DYRK1A: variants seen among roughly 807,000 people sequenced by gnomAD.
DYRK1A encodes the protein dual specificity tyrosine phosphorylation regulated kinase 1A, also known as dual specificity tyrosine-phosphorylation-regulated kinase 1A.
A neutral mutation model predicts 79.7 loss-of-function variants in DYRK1A; 9 were observed. The observed-to-expected ratio is 0.11, with a 90% CI of 0.07 to 0.20. The LOEUF (loss-of-function observed/expected upper bound fraction) is 0.20, where lower values mean the gene tolerates loss of function less well. Ranked by LOEUF, DYRK1A falls within the 10% of genes least tolerant of loss-of-function variation. The probability of loss-of-function intolerance (pLI) is 1.00; values close to 1 mark genes in which losing one functional copy is unlikely to be tolerated. For missense variants in DYRK1A, 622 were observed against 956.0 expected, an observed-to-expected ratio of 0.65 and a Z score of 4.61; for synonymous variants, 349 against 329.7, an observed-to-expected ratio of 1.06 and a Z score of -0.63.
intron 1 of DYRK1A, among the ~76,000 whole-genome samples, chr21:37,414,706 C>T (rs2050304547): frequency 6.6e-6 from 1 of 152,150 alleles, no homozygotes; most frequent in Non-Finnish European, 1.5e-5. Flanking sequence ...TTTCTAGTGT[C>T]TACTTGATAG....
chr21:37,426,278 T>G (rs1455827425), intron 2 of DYRK1A, among the ~76,000 whole-genome samples: 2 of 152,166 alleles, frequency 1.3e-5, no homozygotes, highest in East Asian at 3.9e-4. Context: ...CCCCAAAGTT[T>G]TTTATTTTAC....
chr21:37,455,351 T>C (rs1172621738), intron 2 of DYRK1A, among the ~76,000 whole-genome samples: 1 of 152,192 alleles, frequency 6.6e-6, no homozygotes, highest in Non-Finnish European at 1.5e-5. Context: ...CTATTTTCAA[T>C]AGAATTTTAA....
chr21:37,434,278 T>G (rs913021268), intron 2 of DYRK1A, among the ~76,000 whole-genome samples: 2 of 152,166 alleles, frequency 1.3e-5, no homozygotes, highest in East Asian at 1.9e-4. Flanking sequence ...AATCATGAAA[T>G]TTTTCATGAT....
chr21:37,506,404 G>A, intron 11 of DYRK1A, 181 bp downstream of exon 11: 1 of 1,509,628 alleles, frequency 6.6e-7, no homozygotes. Flanking sequence ...CCTCCTCCTT[G>A]TCTAGAAGTG....
In DYRK1A at chr21:37,490,535, T is replaced by C. The variant is rs950014359; in HGVS notation, c.924+74T>C. 4.5e-6 allele frequency: 6 copies of C among 1,319,540 alleles called. No homozygotes were observed. The African/African-American group carries it at 7.6e-5, about 17-fold the overall frequency. 81.7% of individuals were successfully genotyped at this position (1,319,540 alleles called of 1,614,324 possible). ...TAGGTAGGACAGTGTAGGTATTAGG[T>C]TGGCGCAAAAGTAATTGCGGTTTTC... On this transcript the variant is annotated intron_variant, in intron 7 of 11. Transcript: ENST00000647188.
intron 9 of DYRK1A, among the ~76,000 whole-genome samples, chr21:37,500,236 T>G (rs867558494): frequency 6.6e-6 from 1 of 152,232 alleles, no homozygotes; most frequent in Non-Finnish European, 1.5e-5. Context: ...TCTGCACGTA[T>G]AGAGATCATC....
chr21:37,506,807 G>A (rs2053611581), intron 11 of DYRK1A, among the ~76,000 whole-genome samples: 1 of 152,204 alleles, frequency 6.6e-6, no homozygotes. Context: ...GGTTCATACC[G>A]AGTTTTGCGT....
At chr21:37,445,555 G>A (rs1247795556) in intron 2 of DYRK1A, among the ~76,000 whole-genome samples, 1 of 152,164 alleles carries the variant, frequency 6.6e-6, no homozygotes, top group African/African-American at 2.4e-5. Flanking sequence ...AGTTTTTGCT[G>A]GGAAGATCAG....
intron 9 of DYRK1A, among the ~76,000 whole-genome samples, chr21:37,499,543 C>T (rs1342833296): frequency 6.6e-6 from 1 of 152,108 alleles, no homozygotes; most frequent in African/African-American, 2.4e-5. Context: ...TTAAGTCTTC[C>T]ACTCTGTAAA....
rs565032737 is a variant in DYRK1A, at chr21:37,433,659, C to T, written c.10+13275C>T. Among the ~76,000 whole-genome samples, 37 of 152,198 alleles carry T rather than the reference C, an allele frequency of 2.4e-4. 2 individuals carry two copies. In the South Asian group the frequency reaches 7.1e-3, roughly 29 times the overall value. On this transcript the variant is annotated intron_variant, in intron 2 of 11. Coordinates refer to ENST00000647188, the MANE Select transcript of DYRK1A (RefSeq NM_001347721.2). ...GGGAATGGATTAAATACTTTGGTTT[C>T]GACAGTGATTTTCAAACCTGTCTTA...
intron 6 of DYRK1A, 25 bp from the exon 7 acceptor site, chr21:37,490,150 A>G: frequency 6.3e-7 from 1 of 1,598,858 alleles, no homozygotes; most frequent in Non-Finnish European, 8.5e-7. Flanking sequence ...TATATAATTT[A>G]AAATGAAACT....
At chr21:37,497,950 G>C (rs1208678433) in intron 9 of DYRK1A, among the ~76,000 whole-genome samples, 2 of 151,900 alleles carry the variant, frequency 1.3e-5, no homozygotes, top group Non-Finnish European at 2.9e-5. Flanking sequence ...TAATTATTTT[G>C]CTTTTAAGAG....
upstream of DYRK1A, among the ~76,000 whole-genome samples, chr21:37,366,492 AC>A (rs2049307354): frequency 7.3e-6 from 1 of 137,248 alleles, no homozygotes; most frequent in Non-Finnish European, 1.6e-5. Context: ...CCCAGCCCCT[AC>A]CCTCCCTCGG....
chr21:37,406,807 A>G, intron 1 of DYRK1A, among the ~76,000 whole-genome samples: 1 of 147,282 alleles, frequency 6.8e-6, no homozygotes. Flanking sequence ...ATATAATTAT[A>G]TATATCTATT....
At chr21:37,429,650 A>G (rs1204961375) in intron 2 of DYRK1A, among the ~76,000 whole-genome samples, 1 of 152,210 alleles carries the variant, frequency 6.6e-6, no homozygotes, top group Non-Finnish European at 1.5e-5. Context: ...CTCCTCCAAC[A>G]TTGAGAATTA....
chr21:37,403,661 ATATGTGTG>A (rs1430186687), intron 1 of DYRK1A, among the ~76,000 whole-genome samples: 2,745 of 113,368 alleles, frequency 0.024, 75 homozygotes, highest in African/African-American at 0.07. Flanking sequence ...ATATATATAT[ATATGTGTG>A]TGTGTGTGTG....
intron 2 of DYRK1A, among the ~76,000 whole-genome samples, chr21:37,452,091 T>TA (rs929036146): frequency 5.3e-5 from 8 of 151,504 alleles, no homozygotes; most frequent in Non-Finnish European, 1.0e-4. Context: ...TGTAAACACT[T>TA]AACCTGGGTA....
At chr21:37,502,739 T>C (rs1304514745) in intron 9 of DYRK1A, 1 of 152,236 alleles carries the variant, frequency 6.6e-6, no homozygotes, top group Non-Finnish European at 1.5e-5. Flanking sequence ...CCATCTGGTA[T>C]TATTTCTTCA....
chr21:37,484,133 A>T (rs1462784410), intron 5 of DYRK1A, among the ~76,000 whole-genome samples: 2 of 152,100 alleles, frequency 1.3e-5, no homozygotes, highest in East Asian at 3.9e-4. Flanking sequence ...TGTGCATGCG[A>T]GGGATCTAGG....
Sources: gnomAD v4.1 joint callset for allele counts (sites outside exome capture counted in the v4.1 genomes callset) on GRCh38, gnomAD v4.1.1 for gene constraint, MANE v1.5 for transcripts, NCBI Gene and HGNC (gene_info 2026-07-23, HGNC 2026-07-21) for gene names.